The following PDE4B variants were observed in gnomAD, a reference collection of about 807,000 sequenced individuals.
The protein encoded by PDE4B is 3',5'-cyclic-AMP phosphodiesterase 4B.
PDE4B carries 20 observed loss-of-function variants against 82.2 expected under a neutral mutation model. The observed-to-expected ratio is 0.24, with a 90% CI of 0.17 to 0.35. PDE4B has a LOEUF of 0.35. Ranked by LOEUF, PDE4B falls within the 10% of genes least tolerant of loss-of-function variation. PDE4B has a pLI of 1.00. For synonymous variants in PDE4B, 320 were observed against 318.9 expected (o/e 1.00, Z -0.04); for missense variants, 655 against 907.2 (o/e 0.72, Z 3.57).
At chr1:66,237,589 A>G (rs1360384868) in intron 3 of PDE4B, among the ~76,000 whole-genome samples, 4 of 152,226 alleles carry the variant, frequency 2.6e-5, no homozygotes, top group Non-Finnish European at 5.9e-5. Flanking sequence ...ATTTTCTGAA[A>G]TAAATGCAGA....
intron 3 of PDE4B, among the ~76,000 whole-genome samples, chr1:65,946,416 A>G (rs1411353379): frequency 6.6e-6 from 1 of 151,954 alleles, no homozygotes; most frequent in East Asian, 1.9e-4. Flanking sequence ...TATGTCTACT[A>G]TGGCTGATTT....
chr1:65,893,276 C>G (rs528131252), intron 1 of PDE4B, among the ~76,000 whole-genome samples: 64 of 152,038 alleles, frequency 4.2e-4, no homozygotes, highest in African/African-American at 1.4e-3. Flanking sequence ...ACTTGCTGAA[C>G]AGTTTTTAAT....
rs530242700 is a variant in PDE4B, at chr1:66,195,799, G to A, written c.282-51661G>A. 3.9e-5 allele frequency among the ~76,000 whole-genome samples: 6 copies of A among 152,224 alleles called. No individual in the cohort carries two copies. In the South Asian group the frequency reaches 1.2e-3, roughly 32 times the overall value. On this transcript the variant is annotated intron_variant, in intron 3 of 16. Transcript: ENST00000341517. ...TTGGCTGGCTGATATGATTTACAAAGCTAGTATGTCCAATGTATATGAGAC... is the reference window on the plus strand; with the variant it reads ...TTGGCTGGCTGATATGATTTACAAAACTAGTATGTCCAATGTATATGAGAC...
At chr1:65,888,229 G>C (rs1646814205) in intron 1 of PDE4B, among the ~76,000 whole-genome samples, 1 of 151,978 alleles carries the variant, frequency 6.6e-6, no homozygotes, top group Non-Finnish European at 1.5e-5. Flanking sequence ...ATATATTCTT[G>C]CTTCCTTTGT....
At position 66,246,754 on chromosome 1, in the gene PDE4B, A is replaced by G. The variant is rs552479456; in HGVS notation, c.282-706A>G. Among the ~76,000 whole-genome samples the G allele has an allele frequency of 2.0e-5, 3 of 152,304 alleles. No homozygotes were observed. The East Asian group carries it at 5.8e-4, about 29-fold the overall frequency. ...CTAGAGTGACGAAGACCGATAGGAA[A>G]CCTCATGACACTCCTCTGTGGGAGC... is the stretch of plus-strand genomic sequence containing the variant. On this transcript the variant is annotated intron_variant, in intron 3 of 16. Coordinates refer to ENST00000341517, the MANE Select transcript of PDE4B (RefSeq NM_002600.4).
rs577579553 is a variant in PDE4B at position 65,832,147 on chromosome 1, G to A, written c.-71+38899G>A. Among the ~76,000 whole-genome samples, 53 of 152,230 alleles carry A rather than the reference G, an allele frequency of 3.5e-4. 1 individual carries two copies. The South Asian group carries it at 0.011, about 31-fold the overall frequency. On this transcript the variant is annotated intron_variant, in intron 1 of 16. Transcript: ENST00000341517. ...CCTAATGATAGGTGTAAGATTGAAA[G>A]AAATAATCACAATGTCTAGACAAAT...
chr1:66,152,882 T>A (rs867162928), intron 3 of PDE4B, among the ~76,000 whole-genome samples: 5 of 152,166 alleles, frequency 3.3e-5, no homozygotes, highest in Middle Eastern at 3.4e-3. Context: ...GGGAAATGTG[T>A]TTTTGCTCTT....
At chr1:66,176,546 A>T (rs961044773) in intron 3 of PDE4B, among the ~76,000 whole-genome samples, 5 of 152,374 alleles carry the variant, frequency 3.3e-5, no homozygotes, top group African/African-American at 1.2e-4. Context: ...ATATAAGTGC[A>T]GATTATAGCA....
intron 1 of PDE4B, among the ~76,000 whole-genome samples, chr1:65,819,330 C>T (rs1645923598): frequency 1.3e-5 from 2 of 152,162 alleles, no homozygotes; most frequent in East Asian, 1.9e-4. Flanking sequence ...TTGTAGGTCT[C>T]AGTATATGGT....
At chr1:66,236,767 C>T (rs1257187776) in intron 3 of PDE4B, among the ~76,000 whole-genome samples, 5 of 152,100 alleles carry the variant, frequency 3.3e-5, no homozygotes, top group Non-Finnish European at 7.4e-5. Flanking sequence ...GATAAAATCA[C>T]AGAAATGTAT....
At chr1:65,841,074 A>T (rs1418941138) in intron 1 of PDE4B, among the ~76,000 whole-genome samples, 1 of 152,122 alleles carries the variant, frequency 6.6e-6, no homozygotes, top group South Asian at 2.1e-4. Flanking sequence ...AGGTAGGTGG[A>T]TTGCCTGAGC....
intron 3 of PDE4B, among the ~76,000 whole-genome samples, chr1:66,007,405 C>T (rs1418536962): frequency 1.1e-4 from 17 of 152,120 alleles, no homozygotes; most frequent in Non-Finnish European, 2.9e-5. Flanking sequence ...GATCATGCCA[C>T]TGCACTTCAG....
intron 3 of PDE4B, among the ~76,000 whole-genome samples, chr1:66,222,963 T>C (rs1052739623): frequency 6.6e-6 from 1 of 152,224 alleles, no homozygotes; most frequent in Non-Finnish European, 1.5e-5. Flanking sequence ...TAAATAGTTT[T>C]GTTTTTCTGC....
rs114131413 is a variant in PDE4B at position 65,922,227 on chromosome 1, A to G, written c.281+3392A>G. On this transcript the variant is annotated intron_variant, in intron 3 of 16. Coordinates refer to ENST00000341517, the MANE Select transcript of PDE4B (RefSeq NM_002600.4). ...AAATGAACAAACAATGGAGATTACA[A>G]TACCTACACTTCAAAATCATGTGGA... Among the ~76,000 whole-genome samples the G allele has an allele frequency of 6.4e-3, 973 of 152,344 alleles. 14 individuals are homozygous for G. The highest frequency in any genetic ancestry group is 0.022 in the African/African-American group (897 of 41,580).
At chr1:66,011,889 C>G (rs537090885) in intron 3 of PDE4B, among the ~76,000 whole-genome samples, 1 of 152,040 alleles carries the variant, frequency 6.6e-6, no homozygotes, top group African/African-American at 2.4e-5. Context: ...GAAAAATGAC[C>G]TTTTTTTGTT....
intron 1 of PDE4B, among the ~76,000 whole-genome samples, chr1:65,897,509 CT>C (rs1323605686): frequency 6.6e-6 from 1 of 152,034 alleles, no homozygotes; most frequent in Non-Finnish European, 1.5e-5. Flanking sequence ...CCCCTTTCTT[CT>C]TTTCTCTCTC....
intron 1 of PDE4B, among the ~76,000 whole-genome samples, chr1:65,822,659 T>G (rs1645966294): frequency 6.6e-6 from 1 of 152,192 alleles, no homozygotes; most frequent in East Asian, 1.9e-4. Context: ...ATAAAAGGGC[T>G]GGAGGGACCT....
Position 66,372,315 on chromosome 1 carries a change from T to C in PDE4B, c.1848T>C (p.Val616=). ...TGTGTCATCTTATTTTTCTCCAGGT[T>C]GGTTTCATCGACTACATTGTCCATC... is the stretch of plus-strand genomic sequence containing the variant. ...KHTASVEKSQ[V]GFIDYIVHPL... The change falls in exon 17 of 17, where the codon GTT becomes GTC. Residue 616 remains valine (V), a splice_region_variant and synonymous_variant. Transcript: ENST00000341517. 1 of 1,598,952 alleles carries C rather than the reference T, an allele frequency of 6.3e-7. No homozygotes were observed. The highest frequency in any genetic ancestry group is 1.7e-5 in the Admixed American group (1 of 58,566).
At chr1:65,937,349 G>A (rs998835818) in intron 3 of PDE4B, among the ~76,000 whole-genome samples, 1 of 152,174 alleles carries the variant, frequency 6.6e-6, no homozygotes, top group Admixed American at 6.5e-5. Context: ...CACTGAGGTG[G>A]GGGCTCTGAA....
Sources: gnomAD v4.1 joint callset for allele counts (sites outside exome capture counted in the v4.1 genomes callset) on GRCh38, gnomAD v4.1.1 for gene constraint, MANE v1.5 for transcripts, NCBI Gene and HGNC (gene_info 2026-07-23, HGNC 2026-07-21) for gene names.